The following FILIP1 variants were observed in gnomAD, a reference collection of about 807,000 sequenced individuals.
FILIP1 encodes filamin-A-interacting protein 1.
In FILIP1, 61 loss-of-function variants were observed where a neutral mutation model predicts 102.1. That is an observed-to-expected ratio of 0.60 (90% CI 0.49 to 0.74). The LOEUF (loss-of-function observed/expected upper bound fraction) is 0.74, where lower values mean the gene tolerates loss of function less well. Among genes scored for constraint, FILIP1 ranks in the 30% least tolerant of loss-of-function variants. The pLI is 0.00. For missense variants in FILIP1, 1,314 were observed against 1,441.2 expected (o/e 0.91, Z 1.43); for synonymous variants, 491 against 526.9 (o/e 0.93, Z 0.93).
intron 1 of FILIP1, among the ~76,000 whole-genome samples, chr6:75,474,851 T>C (rs1190752957): frequency 6.6e-6 from 1 of 152,102 alleles, no homozygotes; most frequent in Non-Finnish European, 1.5e-5. Flanking sequence ...ATCACCTTGG[T>C]ACTGTCCTTG....
chr6:75,399,609 T>G (rs1361952037), intron 2 of FILIP1, among the ~76,000 whole-genome samples: 1 of 152,146 alleles, frequency 6.6e-6, no homozygotes, highest in African/African-American at 2.4e-5. Context: ...AAAAGGTCAC[T>G]GGGTTTGGGG....
At chr6:75,451,048 G>A (rs1179179917) in intron 1 of FILIP1, among the ~76,000 whole-genome samples, 6 of 151,988 alleles carry the variant, frequency 3.9e-5, no homozygotes, top group African/African-American at 1.4e-4. Flanking sequence ...TCATGTTGGG[G>A]CAGGGATAAG....
At chr6:75,403,627 C>T (rs985532084) in intron 2 of FILIP1, among the ~76,000 whole-genome samples, 5 of 151,854 alleles carry the variant, frequency 3.3e-5, no homozygotes, top group Admixed American at 2.6e-4. Flanking sequence ...CCCCAATTTA[C>T]GTCTTGCAAG....
At chr6:75,486,568 C>T (rs565191833) in intron 1 of FILIP1, among the ~76,000 whole-genome samples, 2 of 152,060 alleles carry the variant, frequency 1.3e-5, no homozygotes, top group Non-Finnish European at 2.9e-5. Flanking sequence ...TGGAGGTGTT[C>T]CATAAACAAC....
intron 2 of FILIP1, among the ~76,000 whole-genome samples, chr6:75,407,352 A>G (rs1776896752): frequency 6.6e-6 from 1 of 151,936 alleles, no homozygotes; most frequent in Non-Finnish European, 1.5e-5. Flanking sequence ...CAGCCTCCCA[A>G]GTAGCTGGGA....
chr6:75,395,762 T>C (rs2149663393), intron 2 of FILIP1, among the ~76,000 whole-genome samples: 1 of 152,304 alleles, frequency 6.6e-6, no homozygotes, highest in Admixed American at 6.5e-5. Flanking sequence ...AAAGATATTG[T>C]AGTGACACTT....
chr6:75,455,509 A>T (rs1052628395), intron 1 of FILIP1, among the ~76,000 whole-genome samples: 4 of 152,206 alleles, frequency 2.6e-5, no homozygotes, highest in Admixed American at 1.3e-4. Flanking sequence ...GATTTTTGGG[A>T]CAACCAAATT....
intron 2 of FILIP1, among the ~76,000 whole-genome samples, chr6:75,370,567 TTC>T (rs1775482974): frequency 6.8e-6 from 1 of 146,346 alleles, no homozygotes; most frequent in African/African-American, 2.6e-5. Context: ...TGGGAGTCTC[TTC>T]TTTTTTTTTT....
At chr6:75,402,360 T>C (rs1034361250) in intron 2 of FILIP1, among the ~76,000 whole-genome samples, 7 of 152,222 alleles carry the variant, frequency 4.6e-5, no homozygotes, top group African/African-American at 9.6e-5. Context: ...CCTGTCTCTC[T>C]GTTGCCTCCT....
In FILIP1 at chr6:75,308,575, T is replaced by C. The variant is rs1773060638; in HGVS notation, c.*116A>G. 1 of 1,513,434 alleles carries C rather than the reference T, an allele frequency of 6.6e-7. No individual in the cohort carries two copies. Among genetic ancestry groups the C allele is most frequent in the Non-Finnish European group, 8.8e-7 (1 of 1,136,840 alleles). The allele number at this position is 1,513,434 out of a possible 1,614,324, so 93.8% of individuals were successfully genotyped here. Reference sequence around the variant, plus strand: ...AAATGGTTATTAGTTGGTTATTTTATAAACACAATATTTAAAACTTAAATT... The same window carrying C: ...AAATGGTTATTAGTTGGTTATTTTACAAACACAATATTTAAAACTTAAATT... On this transcript the variant is annotated 3_prime_UTR_variant, in exon 6 of 6. Transcript: ENST00000237172.
intron 1 of FILIP1, among the ~76,000 whole-genome samples, chr6:75,489,224 C>G (rs907365382): frequency 6.6e-6 from 1 of 152,000 alleles, no homozygotes; most frequent in African/African-American, 2.4e-5. Context: ...ATTTCTTAGC[C>G]TTTTTAGTAA....
At chr6:75,373,734 C>T (rs369269833) in intron 2 of FILIP1, among the ~76,000 whole-genome samples, 66 of 152,260 alleles carry the variant, frequency 4.3e-4, no homozygotes, top group African/African-American at 1.5e-3. Flanking sequence ...TCAACCTGGG[C>T]GCAGTGGCTC....
intron 1 of FILIP1, among the ~76,000 whole-genome samples, chr6:75,449,841 A>T (rs141109295): frequency 6.6e-6 from 1 of 152,364 alleles, no homozygotes; most frequent in East Asian, 1.9e-4. Flanking sequence ...AATTGCACTC[A>T]GAGTAATATG....
intron 1 of FILIP1, among the ~76,000 whole-genome samples, chr6:75,469,688 C>T (rs1460320739): frequency 6.6e-6 from 1 of 151,966 alleles, no homozygotes; most frequent in Non-Finnish European, 1.5e-5. Context: ...TTAAATCCAG[C>T]AATTAATTAA....
downstream of FILIP1, chr6:75,308,019 T>C: frequency 6.1e-6 from 6 of 984,536 alleles, no homozygotes; most frequent in Non-Finnish European, 7.2e-6. Flanking sequence ...ATTCTGGGAA[T>C]CTTATGGAGG....
chr6:75,406,471 T>G (rs544441302), intron 2 of FILIP1, among the ~76,000 whole-genome samples: 1 of 152,250 alleles, frequency 6.6e-6, no homozygotes, highest in South Asian at 2.1e-4. Context: ...TATATTGCAA[T>G]TACCCAATAC....
At chr6:75,464,358 A>G (rs1486507005) in intron 1 of FILIP1, among the ~76,000 whole-genome samples, 2 of 152,230 alleles carry the variant, frequency 1.3e-5, no homozygotes, top group Non-Finnish European at 2.9e-5. Context: ...TAATACCAGC[A>G]TTTGTCCTAA....
At chr6:75,353,977 T>A (rs1008707066) in intron 3 of FILIP1, among the ~76,000 whole-genome samples, 1 of 151,868 alleles carries the variant, frequency 6.6e-6, no homozygotes, top group Non-Finnish European at 1.5e-5. Context: ...TTTCCTTTTT[T>A]GGGGGGGTGG....
intron 3 of FILIP1, among the ~76,000 whole-genome samples, chr6:75,357,740 G>T (rs1775051232): frequency 6.6e-6 from 1 of 152,230 alleles, no homozygotes; most frequent in Non-Finnish European, 1.5e-5. Flanking sequence ...GGTAGCAAAA[G>T]ATCAGCTGTA....
Sources: gnomAD v4.1 joint callset for allele counts (sites outside exome capture counted in the v4.1 genomes callset) on GRCh38, gnomAD v4.1.1 for gene constraint, MANE v1.5 for transcripts, NCBI Gene and HGNC (gene_info 2026-07-23, HGNC 2026-07-21) for gene names.